BAIAP2: variants seen among roughly 807,000 people sequenced by gnomAD.
BAIAP2 encodes BAR/IMD domain-containing adapter protein 2.
BAIAP2 carries 18 observed loss-of-function variants against 63.0 expected under a neutral mutation model. That is an observed-to-expected ratio of 0.29 (90% confidence interval 0.20 to 0.42). The LOEUF is 0.42. Among genes scored for constraint, BAIAP2 ranks in the 10% least tolerant of loss-of-function variants. The pLI, the probability that BAIAP2 is intolerant of heterozygous loss-of-function variation, is 1.00. For synonymous variants in BAIAP2, 386 were observed against 307.6 expected (o/e 1.25, Z -2.67); for missense variants, 610 against 734.3 (o/e 0.83, Z 1.96).
At chr17:81,051,165 G>A (rs1432006536) in intron 1 of BAIAP2, among the ~76,000 whole-genome samples, 1 of 151,888 alleles carries the variant, frequency 6.6e-6, no homozygotes, top group Non-Finnish European at 1.5e-5. Context: ...CAGTGCTAAC[G>A]CTGCTGTGCT....
intron 6 of BAIAP2, among the ~76,000 whole-genome samples, chr17:81,089,624 A>G (rs1370352540): frequency 1.3e-5 from 2 of 151,724 alleles, no homozygotes; most frequent in East Asian, 3.9e-4. Context: ...CGTCCGCAGG[A>G]GGGCAGGCGG....
At position 81,116,627 on chromosome 17, in the gene BAIAP2, A is replaced by G; in HGVS notation, c.*788A>G. The G allele has an allele frequency of 2.5e-6, 1 of 402,346 alleles. No individual in the cohort carries two copies. The highest frequency in any genetic ancestry group is 4.6e-6 in the Non-Finnish European group (1 of 216,732). The allele number at this position is 402,346 out of a possible 1,614,324, so 24.9% of individuals were successfully genotyped here. ...CCCCGCTTCCGGGGTCTGCCCCAGG[A>G]CTCCTGGGTGGACCTCCCCCCCCCA... On this transcript the variant is annotated 3_prime_UTR_variant, in exon 14 of 14. Coordinates refer to ENST00000428708, the MANE Select transcript of BAIAP2 (RefSeq NM_001144888.2).
intron 13 of BAIAP2, chr17:81,108,912 C>T (rs2059519472): frequency 2.6e-6 from 4 of 1,532,112 alleles, no homozygotes; most frequent in Non-Finnish European, 3.5e-6. Flanking sequence ...GGACTCGCCG[C>T]CTGTGGCTGG....
chr17:81,097,708 CAGG>C (rs1386343451), intron 6 of BAIAP2: 2 of 161,078 alleles, frequency 1.2e-5, no homozygotes, highest in Admixed American at 6.4e-5. Flanking sequence ...TAGGTAGGCA[CAGG>C]AGGAGAGGCG....
At chr17:81,051,687 C>T (rs946166951) in intron 1 of BAIAP2, among the ~76,000 whole-genome samples, 3 of 151,800 alleles carry the variant, frequency 2.0e-5, no homozygotes, top group Non-Finnish European at 2.9e-5. Context: ...CCACCGTGTC[C>T]GGCCTGTTTT....
intron 6 of BAIAP2, among the ~76,000 whole-genome samples, chr17:81,089,614 C>T (rs1181406777): frequency 6.6e-6 from 1 of 151,684 alleles, no homozygotes; most frequent in Non-Finnish European, 1.5e-5. Flanking sequence ...AAGCCCCCCT[C>T]GTCCGCAGGA....
At position 81,109,821 on chromosome 17, in the gene BAIAP2, A is replaced by G. The variant is rs963401212; in HGVS notation, c.1535+1312A>G. The G allele has an allele frequency of 3.0e-6, 3 of 985,118 alleles. No homozygotes were observed. In the African/African-American group the frequency reaches 5.2e-5, roughly 17 times the overall value. The allele number at this position is 985,118 out of a possible 1,614,324, so 61.0% of individuals were successfully genotyped here. A position where few individuals can be genotyped will look rare whatever the true frequency, so the allele number is the denominator to read the frequency against. On this transcript the variant is annotated intron_variant, in intron 13 of 13. Coordinates refer to ENST00000428708, the MANE Select transcript of BAIAP2 (RefSeq NM_001144888.2). ...CCTCCAGAGACCACCCCACCCCCAC[A>G]TTCCTTTGACCAGCCTTGTGAGGGC...
intron 6 of BAIAP2, among the ~76,000 whole-genome samples, chr17:81,095,340 T>G (rs2057444122): frequency 6.6e-6 from 1 of 152,108 alleles, no homozygotes. Flanking sequence ...GTATAGGTCA[T>G]CCCCGTCCAA....
At chr17:81,047,548 A>G (rs865960029) in intron 1 of BAIAP2, among the ~76,000 whole-genome samples, 1 of 152,126 alleles carries the variant, frequency 6.6e-6, no homozygotes, top group African/African-American at 2.4e-5. Flanking sequence ...AAACACGTTC[A>G]TGCCCACAGC....
intron 3 of BAIAP2, among the ~76,000 whole-genome samples, chr17:81,071,805 C>A (rs2052717737): frequency 6.6e-6 from 1 of 152,256 alleles, no homozygotes; most frequent in Non-Finnish European, 1.5e-5. Flanking sequence ...CGAGCTCTGT[C>A]CAGGAGGCAG....
chr17:81,101,332 A>G (rs1347547144), intron 7 of BAIAP2, among the ~76,000 whole-genome samples: 1 of 151,958 alleles, frequency 6.6e-6, no homozygotes, highest in Admixed American at 6.5e-5. Context: ...ATCCCCTCCT[A>G]GGAGGCTGAC....
In BAIAP2 at chr17:81,035,217, C is replaced by T; in HGVS notation, c.-38C>T. The T allele has an allele frequency of 7.5e-6, 11 of 1,463,652 alleles. No homozygotes were observed. Among genetic ancestry groups the T allele is most frequent in the South Asian group, 1.3e-5 (1 of 74,260 alleles). 90.7% of individuals were successfully genotyped at this position (1,463,652 alleles called of 1,614,324 possible). ...CGCCGCTGCTGCCGCCGCTTGCGTCCCCCGCTCCGGTCTGTGGTGCAGCCG... is the reference window on the plus strand; with the variant it reads ...CGCCGCTGCTGCCGCCGCTTGCGTCTCCCGCTCCGGTCTGTGGTGCAGCCG... On this transcript the variant is annotated 5_prime_UTR_variant, in exon 1 of 14. Coordinates refer to ENST00000428708, the MANE Select transcript of BAIAP2 (RefSeq NM_001144888.2).
chr17:81,052,736 A>G (rs1480645278), intron 1 of BAIAP2, among the ~76,000 whole-genome samples: 1 of 150,242 alleles, frequency 6.7e-6, no homozygotes, highest in African/African-American at 2.4e-5. Context: ...GGGGTGGGGG[A>G]TGCAGTTGCC....
chr17:81,082,738 G>A (rs752478424), intron 3 of BAIAP2, among the ~76,000 whole-genome samples: 4 of 152,204 alleles, frequency 2.6e-5, no homozygotes, highest in Non-Finnish European at 5.9e-5. Flanking sequence ...GCATGAGGGC[G>A]GGAATGACTT....
intron 6 of BAIAP2, 61 bp downstream of exon 6, chr17:81,086,641 G>T (rs1598713417): frequency 4.4e-6 from 7 of 1,593,924 alleles, no homozygotes; most frequent in Non-Finnish European, 6.0e-6. Flanking sequence ...TCACCCCTCG[G>T]CCCCCCTCGT....
At position 81,086,684 on chromosome 17, in the gene BAIAP2, G is replaced by A. The variant is rs1379922525; in HGVS notation, c.489+104G>A. ...GAGTGGACAGCAGCCCCCCAGGTGC[G>A]ATCAGACAGAGGCAGGCTGTGTGTC... On this transcript the variant is annotated intron_variant, in intron 6 of 13. Transcript: ENST00000428708. 1.0e-5 allele frequency: 14 copies of A among 1,336,168 alleles called. No homozygotes were observed. The Admixed American group carries it at 2.1e-4, about 20-fold the overall frequency. 82.8% of individuals were successfully genotyped at this position (1,336,168 alleles called of 1,614,324 possible).
At chr17:81,048,213 C>T (rs1041956656) in intron 1 of BAIAP2, among the ~76,000 whole-genome samples, 10 of 152,144 alleles carry the variant, frequency 6.6e-5, no homozygotes, top group African/African-American at 9.6e-5. Context: ...GGTGAAACCC[C>T]GTCTCTACTG....
At chr17:81,053,390 A>G in intron 1 of BAIAP2, 1 of 471,410 alleles carries the variant, frequency 2.1e-6, no homozygotes, top group South Asian at 2.3e-5. Context: ...GCACCATGCA[A>G]ATGCGCTCCT....
intron 1 of BAIAP2, among the ~76,000 whole-genome samples, chr17:81,051,453 G>T (rs1192036350): frequency 6.6e-6 from 1 of 152,068 alleles, no homozygotes; most frequent in African/African-American, 2.4e-5. Flanking sequence ...AGGCTGGAGT[G>T]CAGTGGCGCA....
Sources: gnomAD v4.1 joint callset for allele counts (sites outside exome capture counted in the v4.1 genomes callset) on GRCh38, gnomAD v4.1.1 for gene constraint, MANE v1.5 for transcripts, NCBI Gene and HGNC (gene_info 2026-07-23, HGNC 2026-07-21) for gene names.